BDNF: variants seen among roughly 807,000 people sequenced by gnomAD.
BDNF encodes the protein neurotrophic factor BDNF precursor form.
BDNF carries 1 observed loss-of-function variant against 19.5 expected under a neutral mutation model. The observed-to-expected ratio is 0.05, with a 90% CI of 0.02 to 0.24. The LOEUF is 0.24. Ranked by LOEUF, BDNF falls within the 10% of genes least tolerant of loss-of-function variation. The probability of loss-of-function intolerance (pLI) is 1.00; values close to 1 mark genes in which losing one functional copy is unlikely to be tolerated. For synonymous variants in BDNF, 100 were observed against 121.6 expected (o/e 0.82, Z 1.17); for missense variants, 195 against 317.6 (o/e 0.61, Z 2.93).
chr11:27,669,499 T>A (rs1854968151), intron 1 of BDNF, among the ~76,000 whole-genome samples: 5 of 152,210 alleles, frequency 3.3e-5, no homozygotes, highest in Admixed American at 3.3e-4. Flanking sequence ...ATTGTATATT[T>A]AGAAAACCCC....
chr11:27,669,385 T>C (rs899710575), intron 1 of BDNF, among the ~76,000 whole-genome samples: 2 of 152,142 alleles, frequency 1.3e-5, no homozygotes, highest in African/African-American at 4.8e-5. Context: ...CTATTCAACA[T>C]AGTATTGGAC....
intron 1 of BDNF, among the ~76,000 whole-genome samples, chr11:27,696,737 A>G (rs1859045341): frequency 6.6e-6 from 1 of 152,226 alleles, no homozygotes; most frequent in African/African-American, 2.4e-5. Context: ...AAAGGGACAT[A>G]TTCACTTTTG....
intron 1 of BDNF, among the ~76,000 whole-genome samples, chr11:27,666,033 A>C (rs1854256009): frequency 6.6e-6 from 1 of 152,130 alleles, no homozygotes; most frequent in South Asian, 2.1e-4. Flanking sequence ...GGGCCGACTG[A>C]CACCTCATAC....
intron 1 of BDNF, among the ~76,000 whole-genome samples, chr11:27,692,612 G>A (rs1858450441): frequency 6.6e-6 from 1 of 151,998 alleles, no homozygotes; most frequent in Non-Finnish European, 1.5e-5. Flanking sequence ...CAGAGTGCTG[G>A]GATTACAGGC....
chr11:27,661,970 C>T (rs942748570), intron 1 of BDNF, among the ~76,000 whole-genome samples: 2 of 150,824 alleles, frequency 1.3e-5, no homozygotes, highest in Non-Finnish European at 3.0e-5. Flanking sequence ...CACATTACAT[C>T]TTACGTAGTA....
At chr11:27,663,548 C>G (rs1199119110) in intron 1 of BDNF, among the ~76,000 whole-genome samples, 1 of 152,222 alleles carries the variant, frequency 6.6e-6, no homozygotes, top group Non-Finnish European at 1.5e-5. Context: ...AGAACATTCA[C>G]AGGCGTCATC....
chr11:27,662,554 A>G (rs1853630206), intron 1 of BDNF, among the ~76,000 whole-genome samples: 1 of 152,122 alleles, frequency 6.6e-6, no homozygotes. Flanking sequence ...GTGGAAGACA[A>G]TTTTTCCACG....
chr11:27,700,548 G>A, upstream of BDNF: 1 of 761,508 alleles, frequency 1.3e-6, no homozygotes, highest in Non-Finnish European at 1.5e-6. Context: ...CCCGCCCCCC[G>A]CTCCCCGCTC....
chr11:27,663,962 G>A (rs1425124130), intron 1 of BDNF, among the ~76,000 whole-genome samples: 1 of 151,950 alleles, frequency 6.6e-6, no homozygotes, highest in Non-Finnish European at 1.5e-5. Flanking sequence ...AAAAATTGTA[G>A]CATGTTAGAA....
At chr11:27,721,265 A>G in intron 1 of BDNF, 1 of 887,146 alleles carries the variant, frequency 1.1e-6, no homozygotes, top group Non-Finnish European at 1.9e-6. Context: ...TTCCAATTAA[A>G]GTTGCACTGT....
At chr11:27,687,599 G>C (rs1210724565) in intron 1 of BDNF, among the ~76,000 whole-genome samples, 1 of 152,162 alleles carries the variant, frequency 6.6e-6, no homozygotes, top group East Asian at 1.9e-4. Flanking sequence ...TTTTCGTGTG[G>C]ACATCCTTTT....
At chr11:27,720,519 C>A (rs986712992) in intron 1 of BDNF, 5 of 985,768 alleles carry the variant, frequency 5.1e-6, no homozygotes, top group Non-Finnish European at 6.0e-6. Context: ...GGCTCGCTTT[C>A]CAAACGCTCC....
Position 27,656,872 on chromosome 11 carries a change from C to G in BDNF, c.*949G>C. The G allele has an allele frequency of 1.0e-6, 1 of 985,276 alleles. No individual in the cohort carries two copies. Among genetic ancestry groups the G allele is most frequent in the Non-Finnish European group, 1.2e-6 (1 of 829,900 alleles). The allele number at this position is 985,276 out of a possible 1,614,324, so 61.0% of individuals were successfully genotyped here. A position where few individuals can be genotyped will look rare whatever the true frequency, so the allele number is the denominator to read the frequency against. Reference sequence around the variant, plus strand: ...GTCATGATGTGACACAATGTGTTCACTTGTTCACAGCAGTGGTAAAATATT... The same window carrying G: ...GTCATGATGTGACACAATGTGTTCAGTTGTTCACAGCAGTGGTAAAATATT... On this transcript the variant is annotated 3_prime_UTR_variant, in exon 2 of 2. Coordinates refer to ENST00000356660, the MANE Select transcript of BDNF (RefSeq NM_001709.5).
intron 1 of BDNF, chr11:27,674,729 T>C: frequency 1.0e-6 from 1 of 984,344 alleles, no homozygotes; most frequent in Non-Finnish European, 1.2e-6. Flanking sequence ...CCGTTTTCAC[T>C]AAACACTGAT....
intron 1 of BDNF, among the ~76,000 whole-genome samples, chr11:27,667,217 T>C (rs938693094): frequency 7.5e-4 from 114 of 152,204 alleles, no homozygotes; most frequent in Non-Finnish European, 1.4e-3. Flanking sequence ...AAGCAAATGC[T>C]GAGAGATTTT....
intron 1 of BDNF, among the ~76,000 whole-genome samples, chr11:27,707,946 A>G (rs1860175981): frequency 6.6e-6 from 1 of 152,186 alleles, no homozygotes; most frequent in Middle Eastern, 3.2e-3. Flanking sequence ...TATTTCTGAG[A>G]CACAAACTAA....
upstream of BDNF, chr11:27,701,583 G>A (rs758242006): frequency 9.1e-6 from 9 of 986,736 alleles, no homozygotes; most frequent in African/African-American, 1.0e-4. Context: ...TAGTTCGCCG[G>A]GGGGAGCGGC....
chr11:27,709,709 TATCGTAAGGGCC>T (rs1473588670), intron 1 of BDNF, among the ~76,000 whole-genome samples: 1 of 152,180 alleles, frequency 6.6e-6, no homozygotes, highest in Non-Finnish European at 1.5e-5. Context: ...TTCAGATAGA[TATCGTAAGGGCC>T]ATATAATTGT....
Position 27,656,534 on chromosome 11 carries a change from G to T in BDNF, c.*1287C>A. 1 of 985,418 alleles carries T rather than the reference G, an allele frequency of 1.0e-6. No individual in the cohort carries two copies. The highest frequency in any genetic ancestry group is 1.2e-6 in the Non-Finnish European group (1 of 829,610). The allele number at this position is 985,418 out of a possible 1,614,324, so 61.0% of individuals were successfully genotyped here. A position where few individuals can be genotyped will look rare whatever the true frequency, so the allele number is the denominator to read the frequency against. On this transcript the variant is annotated 3_prime_UTR_variant, in exon 2 of 2. Transcript: ENST00000356660. ...CATGCCCCACCTCCACCTAGACCTT[G>T]GGATGGCCACTCAGAAATTCCTCCC...
Sources: allele counts gnomAD v4.1 joint callset (sites outside exome capture counted in the v4.1 genomes callset), GRCh38; gene constraint gnomAD v4.1.1; transcripts MANE v1.5; gene names NCBI Gene and HGNC (gene_info 2026-07-23, HGNC 2026-07-21).